NEGR1: variants seen among roughly 807,000 people sequenced by gnomAD.
NEGR1 encodes the protein IgLON family member 4.
A neutral mutation model predicts 40.9 loss-of-function variants in NEGR1; 10 were observed. The observed-to-expected ratio is 0.24, with a 90% CI of 0.15 to 0.42. The LOEUF (loss-of-function observed/expected upper bound fraction) is 0.42, where lower values mean the gene tolerates loss of function less well. Ranked by LOEUF, NEGR1 falls within the 10% of genes least tolerant of loss-of-function variation. The probability of loss-of-function intolerance (pLI) is 1.00; values close to 1 mark genes in which losing one functional copy is unlikely to be tolerated. For missense variants in NEGR1, 352 were observed against 438.9 expected, an observed-to-expected ratio of 0.80 and a Z score of 1.77; for synonymous variants, 185 against 166.8, an observed-to-expected ratio of 1.11 and a Z score of -0.84.
intron 1 of NEGR1, among the ~76,000 whole-genome samples, chr1:72,049,543 C>G (rs551962212): frequency 6.6e-6 from 1 of 151,536 alleles, no homozygotes; most frequent in Non-Finnish European, 1.5e-5. Flanking sequence ...ATTGTAGCAC[C>G]AAAAGTTGTT....
intron 2 of NEGR1, among the ~76,000 whole-genome samples, chr1:71,860,937 G>T (rs1288445938): frequency 1.3e-5 from 2 of 152,038 alleles, no homozygotes; most frequent in East Asian, 3.9e-4. Flanking sequence ...GTATAATTGG[G>T]TATCCAATGT....
chr1:71,537,910 A>T (rs1647560650), intron 6 of NEGR1, among the ~76,000 whole-genome samples: 1 of 151,538 alleles, frequency 6.6e-6, no homozygotes, highest in Admixed American at 6.6e-5. Flanking sequence ...CCTCAGTGAG[A>T]TTTTCTTATG....
At chr1:71,597,468 CTCTCTG>C (rs1427139149) in intron 5 of NEGR1, among the ~76,000 whole-genome samples, 24 of 22,228 alleles carry the variant, frequency 1.1e-3, no homozygotes, top group South Asian at 5.2e-3. Context: ...CTCTCTCTCT[CTCTCTG>C]TGTGTGTGTG....
intron 6 of NEGR1, among the ~76,000 whole-genome samples, chr1:71,542,371 A>G (rs1218865159): frequency 6.6e-6 from 1 of 151,754 alleles, no homozygotes; most frequent in African/African-American, 2.4e-5. Flanking sequence ...GAGCCTGTTG[A>G]CAAGTTTAGC....
intron 1 of NEGR1, among the ~76,000 whole-genome samples, chr1:71,986,086 T>A (rs1458976270): frequency 6.6e-6 from 1 of 152,260 alleles, no homozygotes; most frequent in East Asian, 1.9e-4. Context: ...TATTTATTTG[T>A]TTCCCAATCT....
At chr1:71,504,972 G>A (rs1647022588) in intron 6 of NEGR1, among the ~76,000 whole-genome samples, 1 of 152,056 alleles carries the variant, frequency 6.6e-6, no homozygotes, top group East Asian at 1.9e-4. Context: ...CCTCTTGTGT[G>A]GGTTAGGAAA....
chr1:71,552,435 G>A (rs1299659581), intron 6 of NEGR1, among the ~76,000 whole-genome samples: 4 of 149,162 alleles, frequency 2.7e-5, no homozygotes, highest in African/African-American at 2.4e-5. Context: ...CTACCTTGTG[G>A]CCATGGTCGG....
intron 1 of NEGR1, among the ~76,000 whole-genome samples, chr1:71,954,977 G>C (rs1461960527): frequency 2.6e-5 from 4 of 152,072 alleles, no homozygotes; most frequent in African/African-American, 9.6e-5. Context: ...TTTTACATGA[G>C]GAATAAATTT....
chr1:72,078,322 C>T (rs968752651), intron 1 of NEGR1, among the ~76,000 whole-genome samples: 3 of 152,084 alleles, frequency 2.0e-5, no homozygotes, highest in Admixed American at 1.3e-4. Flanking sequence ...ACAAAAATGA[C>T]TAAAAACATT....
At chr1:72,276,013 T>C (rs1039718179) in intron 1 of NEGR1, among the ~76,000 whole-genome samples, 1 of 152,056 alleles carries the variant, frequency 6.6e-6, no homozygotes, top group African/African-American at 2.4e-5. Flanking sequence ...AGAGGATCAC[T>C]TGAGCCCAAG....
At chr1:71,467,123 A>G (rs535007157) in intron 6 of NEGR1, among the ~76,000 whole-genome samples, 1 of 152,218 alleles carries the variant, frequency 6.6e-6, no homozygotes, top group South Asian at 2.1e-4. Flanking sequence ...TGAAAAATAA[A>G]ACAAAATTGG....
rs1312126964 is a variant in NEGR1, at chr1:71,407,558, G to T, written c.953C>A (p.Ala318Asp). The change falls in exon 7 of 7, where the codon GCC becomes GAC. Residue 318 changes from alanine to aspartate, a missense_variant. This residue lies in a region of NEGR1 where 184 missense variants were observed against 208.7 expected (regional missense o/e 0.88). Coordinates refer to ENST00000357731, the MANE Select transcript of NEGR1 (RefSeq NM_173808.3). ...ASLPLNPPSTAQYGITGSADV... is the reference protein window; with the variant it reads ...ASLPLNPPSTDQYGITGSADV... ...AGCGCTCCCGGTAATTCCATACTGG[G>T]CTGTACTTGGAGCTGGAAAGAAATG... is the stretch of plus-strand genomic sequence containing the variant. 4 of 1,612,004 alleles carry T rather than the reference G, an allele frequency of 2.5e-6. No homozygotes were observed. Among genetic ancestry groups the T allele is most frequent in the Non-Finnish European group, 3.4e-6 (4 of 1,178,496 alleles).
intron 4 of NEGR1, among the ~76,000 whole-genome samples, chr1:71,652,503 C>T (rs1391059721): frequency 6.6e-6 from 1 of 152,052 alleles, no homozygotes; most frequent in Non-Finnish European, 1.5e-5. Flanking sequence ...TTATATACTA[C>T]AATATTAGCA....
intron 6 of NEGR1, among the ~76,000 whole-genome samples, chr1:71,493,780 A>C (rs1442004549): frequency 1.3e-5 from 2 of 152,170 alleles, no homozygotes; most frequent in Admixed American, 6.6e-5. Flanking sequence ...TTGTTGTGTC[A>C]AAACAAAACT....
intron 1 of NEGR1, among the ~76,000 whole-genome samples, chr1:72,125,183 T>A (rs1323122226): frequency 1.3e-5 from 2 of 152,044 alleles, no homozygotes; most frequent in Non-Finnish European, 2.9e-5. Context: ...TCAAAGTTCG[T>A]ATCTATCTAA....
chr1:71,776,981 T>C (rs1656536211), intron 2 of NEGR1, among the ~76,000 whole-genome samples: 1 of 152,152 alleles, frequency 6.6e-6, no homozygotes, highest in South Asian at 2.1e-4. Flanking sequence ...TTTTGCACTG[T>C]AAATCCATAA....
chr1:71,778,596 AAAAAATTAT>A (rs1256909483), intron 2 of NEGR1, among the ~76,000 whole-genome samples: 2 of 152,160 alleles, frequency 1.3e-5, no homozygotes, highest in African/African-American at 4.8e-5. Flanking sequence ...CCCACTATTA[AAAAAATTAT>A]ATAGTGCTTT....
rs1409153857 is a variant in NEGR1 at position 71,743,238 on chromosome 1, G to T, written c.535+32934C>A. On this transcript the variant is annotated intron_variant, in intron 3 of 6. Coordinates refer to ENST00000357731, the MANE Select transcript of NEGR1 (RefSeq NM_173808.3). ...TGCTTCTTAAGCCAGGATCTATGGA[G>T]GATCAAAAAAATGTAATACAGAATA... Among the ~76,000 whole-genome samples the T allele has an allele frequency of 2.0e-5, 3 of 151,950 alleles. No homozygotes were observed. In the South Asian group the frequency reaches 6.2e-4, roughly 32 times the overall value.
intron 4 of NEGR1, among the ~76,000 whole-genome samples, chr1:71,623,460 C>T (rs1167211235): frequency 6.6e-6 from 1 of 151,874 alleles, no homozygotes; most frequent in Admixed American, 6.6e-5. Flanking sequence ...ACTGTGCAAC[C>T]AGTGTGCTTT....
Sources: allele counts gnomAD v4.1 joint callset (sites outside exome capture counted in the v4.1 genomes callset), GRCh38; gene constraint gnomAD v4.1.1; regional missense constraint gnomAD v4.1.1; transcripts MANE v1.5; gene names NCBI Gene and HGNC (gene_info 2026-07-23, HGNC 2026-07-21).